MCCC2: variants seen among roughly 807,000 people sequenced by gnomAD.
MCCC2 encodes the protein methylcrotonoyl-CoA carboxylase beta chain, mitochondrial.
MCCC2 carries 52 observed loss-of-function variants against 77.2 expected under a neutral mutation model. That is an observed-to-expected ratio of 0.67 (90% CI 0.54 to 0.85). The LOEUF (loss-of-function observed/expected upper bound fraction) is 0.85. Among genes scored for constraint, MCCC2 ranks in the 40% least tolerant of loss-of-function variants. MCCC2 has a pLI of 0.00. For missense variants in MCCC2, 682 were observed against 703.2 expected (o/e 0.97, Z 0.34); for synonymous variants, 253 against 248.4 (o/e 1.02, Z -0.18).
At chr5:71,618,032 A>G (rs1746224452) in intron 6 of MCCC2, among the ~76,000 whole-genome samples, 2 of 152,012 alleles carry the variant, frequency 1.3e-5, no homozygotes, top group South Asian at 2.1e-4. Flanking sequence ...GAGTTTAAAG[A>G]GTTGATGTGT....
At chr5:71,609,842 G>C (rs1331554304) in intron 6 of MCCC2, among the ~76,000 whole-genome samples, 11 of 152,074 alleles carry the variant, frequency 7.2e-5, no homozygotes, top group South Asian at 4.2e-4. Flanking sequence ...AGATGTCAGT[G>C]TGCCCCTGCT....
chr5:71,612,509 A>G (rs1434641462), intron 6 of MCCC2, among the ~76,000 whole-genome samples: 2 of 152,160 alleles, frequency 1.3e-5, no homozygotes, highest in Admixed American at 6.5e-5. Flanking sequence ...TGTGGTCTCC[A>G]TTTAATCTGG....
chr5:71,587,710 G>C (rs1442043374), intron 1 of MCCC2, among the ~76,000 whole-genome samples, 156 bp downstream of exon 1: 3 of 152,246 alleles, frequency 2.0e-5, no homozygotes, highest in African/African-American at 7.2e-5. Context: ...ACAGATACAA[G>C]AAAGTTTAGT....
chr5:71,647,536 T>G (rs774741044), intron 13 of MCCC2, among the ~76,000 whole-genome samples: 1 of 152,158 alleles, frequency 6.6e-6, no homozygotes, highest in African/African-American at 2.4e-5. Flanking sequence ...ATCTACATTT[T>G]TGTTTTGTTT....
intron 10 of MCCC2, among the ~76,000 whole-genome samples, chr5:71,640,155 C>G (rs1747074578): frequency 6.6e-6 from 1 of 152,154 alleles, no homozygotes; most frequent in Non-Finnish European, 1.5e-5. Context: ...GATGATCCTT[C>G]AAGTATACCA....
intron 1 of MCCC2, among the ~76,000 whole-genome samples, chr5:71,589,766 A>G (rs907098386): frequency 2.6e-5 from 4 of 152,250 alleles, no homozygotes; most frequent in Non-Finnish European, 5.9e-5. Flanking sequence ...TGTATTTATC[A>G]TAATGATCCT....
At chr5:71,600,815 G>A (rs1745399488) in intron 4 of MCCC2, among the ~76,000 whole-genome samples, 2 of 152,206 alleles carry the variant, frequency 1.3e-5, no homozygotes. Context: ...TCCTGGCCCT[G>A]ACTTGCTGTG....
rs1198154648 is a variant in MCCC2, at chr5:71,634,939, G to A, written c.804-4G>A. On this transcript the variant is annotated splice_region_variant and splice_polypyrimidine_tract_variant and intron_variant, in intron 8 of 16. Coordinates refer to ENST00000340941, the MANE Select transcript of MCCC2 (RefSeq NM_022132.5). ...CTGACAAGTTTAGTTTGCTTATTCT[G>A]TAGAAAGTCTGGAGTAAGTGACCAC... The A allele has an allele frequency of 2.5e-6, 4 of 1,613,550 alleles. No individual in the cohort carries two copies. Among genetic ancestry groups the A allele is most frequent in the African/African-American group, 1.3e-5 (1 of 74,910 alleles).
intron 6 of MCCC2, among the ~76,000 whole-genome samples, chr5:71,610,160 C>T (rs1330508859): frequency 6.6e-6 from 1 of 152,238 alleles, no homozygotes; most frequent in African/African-American, 2.4e-5. Flanking sequence ...AGCGCCCCTC[C>T]CCCAGCCTCG....
Position 71,611,610 on chromosome 5 carries a change from T to C in MCCC2, c.624+7142T>C, listed in dbSNP as rs148821195. ...AATCAATATATGGCTATTTACTATGTATGTAAAGGTTAAATACATCGAATC... is the reference window on the plus strand; with the variant it reads ...AATCAATATATGGCTATTTACTATGCATGTAAAGGTTAAATACATCGAATC... On this transcript the variant is annotated intron_variant, in intron 6 of 16. Coordinates refer to ENST00000340941, the MANE Select transcript of MCCC2 (RefSeq NM_022132.5). Among the ~76,000 whole-genome samples, 618 of 152,198 alleles carry C rather than the reference T, an allele frequency of 4.1e-3. 5 individuals are homozygous for C. Among genetic ancestry groups the C allele is most frequent in the African/African-American group, 0.014 (585 of 41,512 alleles).
chr5:71,631,180 AT>A (rs1746696155), intron 7 of MCCC2, among the ~76,000 whole-genome samples: 1 of 152,220 alleles, frequency 6.6e-6, no homozygotes, highest in Non-Finnish European at 1.5e-5. Flanking sequence ...AGATGAATAA[AT>A]CACAGTTCCT....
At chr5:71,603,515 G>C (rs1457394165) in intron 5 of MCCC2, among the ~76,000 whole-genome samples, 1 of 151,880 alleles carries the variant, frequency 6.6e-6, no homozygotes, top group Admixed American at 6.6e-5. Context: ...ATTTGAACGG[G>C]TACTGATGTA....
Position 71,658,578 on chromosome 5 carries a change from C to T in MCCC2, c.*1718C>T, listed in dbSNP as rs1253040757. 4 of 152,160 alleles carry T rather than the reference C, an allele frequency of 2.6e-5. No homozygotes were observed. Among genetic ancestry groups the T allele is most frequent in the Admixed American group, 2.0e-4 (3 of 15,278 alleles). 9.4% of individuals were successfully genotyped at this position (152,160 alleles called of 1,614,324 possible). A position where few individuals can be genotyped will look rare whatever the true frequency, so the allele number is the denominator to read the frequency against. ...TGGCACTTGTAGGTGCTCAAATATTCGTTGAATGAATGAAAAATCCATATT... is the reference window on the plus strand; with the variant it reads ...TGGCACTTGTAGGTGCTCAAATATTTGTTGAATGAATGAAAAATCCATATT... On this transcript the variant is annotated 3_prime_UTR_variant, in exon 17 of 17. Coordinates refer to ENST00000340941, the MANE Select transcript of MCCC2 (RefSeq NM_022132.5).
chr5:71,652,064 T>A (rs1278126499), intron 15 of MCCC2, among the ~76,000 whole-genome samples: 1 of 152,222 alleles, frequency 6.6e-6, no homozygotes, highest in Admixed American at 6.5e-5. Flanking sequence ...GTCGAGTTGC[T>A]TTTTGAGTTG....
At chr5:71,589,622 G>A (rs552214618) in intron 1 of MCCC2, among the ~76,000 whole-genome samples, 1 of 152,356 alleles carries the variant, frequency 6.6e-6, no homozygotes, top group South Asian at 2.1e-4. Flanking sequence ...GAGGGTGGGG[G>A]AGAATGGGAT....
chr5:71,610,652 A>G (rs1204579348), intron 6 of MCCC2, among the ~76,000 whole-genome samples: 1 of 152,196 alleles, frequency 6.6e-6, no homozygotes, highest in Non-Finnish European at 1.5e-5. Flanking sequence ...AGAGCTTTTT[A>G]TTAACTATAG....
chr5:71,606,442 C>T (rs1745679634), intron 6 of MCCC2, among the ~76,000 whole-genome samples: 1 of 151,570 alleles, frequency 6.6e-6, no homozygotes, highest in African/African-American at 2.4e-5. Context: ...TGAGACTTTG[C>T]TGAAGTTGCT....
intron 6 of MCCC2, among the ~76,000 whole-genome samples, chr5:71,612,127 T>A (rs968706234): frequency 1.3e-5 from 2 of 152,090 alleles, no homozygotes; most frequent in African/African-American, 2.4e-5. Flanking sequence ...CTTAAAAAAA[T>A]GATCTGAAGT....
chr5:71,608,711 G>A (rs1449760353), intron 6 of MCCC2, among the ~76,000 whole-genome samples: 5 of 152,168 alleles, frequency 3.3e-5, no homozygotes, highest in Admixed American at 3.3e-4. Context: ...TGCAGTGGCT[G>A]GTACCGGTTG....
Sources: gnomAD v4.1 joint callset for allele counts (sites outside exome capture counted in the v4.1 genomes callset) on GRCh38, gnomAD v4.1.1 for gene constraint, MANE v1.5 for transcripts, NCBI Gene and HGNC (gene_info 2026-07-23, HGNC 2026-07-21) for gene names.